NUP188: variants seen among roughly 807,000 people sequenced by gnomAD.
NUP188 encodes the protein nucleoporin 188, also known as nucleoporin NUP188.
A neutral mutation model predicts 223.0 loss-of-function variants in NUP188; 97 were observed. That is an observed-to-expected ratio of 0.43 (90% CI 0.37 to 0.51). The LOEUF (loss-of-function observed/expected upper bound fraction) is 0.51. Among genes scored for constraint, NUP188 ranks in the 20% least tolerant of loss-of-function variants. The pLI, the probability that NUP188 is intolerant of heterozygous loss-of-function variation, is 0.00. For missense variants in NUP188, 1,947 were observed against 2,175.6 expected (o/e 0.89, Z 2.09); for synonymous variants, 869 against 828.0 (o/e 1.05, Z -0.85).
intron 33 of NUP188, 99 bp from the exon 34 acceptor site, chr9:128,999,525 C>G: frequency 7.6e-7 from 1 of 1,311,744 alleles, no homozygotes; most frequent in Non-Finnish European, 1.1e-6. Context: ...CTCCTAGCGC[C>G]CTAGTACATC....
intron 25 of NUP188, among the ~76,000 whole-genome samples, 181 bp downstream of exon 25, chr9:128,990,407 TAG>T (rs1360237211): frequency 6.6e-6 from 1 of 151,278 alleles, no homozygotes; most frequent in Non-Finnish European, 1.5e-5. Flanking sequence ...CTGGGCCACA[TAG>T]TGAGACCCCA....
chr9:128,967,856 G>A (rs1444611425), intron 8 of NUP188, among the ~76,000 whole-genome samples: 1 of 152,150 alleles, frequency 6.6e-6, no homozygotes, highest in East Asian at 1.9e-4. Context: ...AGCTACTTGG[G>A]TGGCTGAGGC....
intron 30 of NUP188, among the ~76,000 whole-genome samples, chr9:128,995,846 G>A (rs571151634): frequency 6.6e-6 from 1 of 152,354 alleles, no homozygotes; most frequent in South Asian, 2.1e-4. Flanking sequence ...TTCTCGTGCT[G>A]TGTACCTTGT....
At chr9:128,984,547 A>G (rs566039424) in intron 19 of NUP188, among the ~76,000 whole-genome samples, 12 of 152,278 alleles carry the variant, frequency 7.9e-5, no homozygotes, top group Admixed American at 2.0e-4. Context: ...TTAAGCCACA[A>G]TCACTCTGTA....
intron 38 of NUP188, 156 bp downstream of exon 38, chr9:129,003,610 T>G: frequency 1.1e-6 from 1 of 873,204 alleles, no homozygotes; most frequent in Non-Finnish European, 1.9e-6. Flanking sequence ...GTGCTTACTC[T>G]GGCTAAATGT....
chr9:128,958,063 T>G lies in NUP188; in HGVS notation c.372+9T>G, dbSNP rs755118235. On this transcript the variant is annotated intron_variant, in intron 6 of 43. Coordinates refer to ENST00000372577, the MANE Select transcript of NUP188 (RefSeq NM_015354.3). ...AGGCCTTAATCCTGAAGGTCAGTAG[T>G]AGTCACCATTTCTATTCTTTGATGT... 1 of 1,606,614 alleles carries G rather than the reference T, an allele frequency of 6.2e-7. No homozygotes were observed. The highest frequency in any genetic ancestry group is 1.1e-5 in the South Asian group (1 of 90,624).
intron 13 of NUP188, among the ~76,000 whole-genome samples, chr9:128,979,696 G>A (rs537781610): frequency 3.2e-4 from 48 of 152,060 alleles, no homozygotes; most frequent in African/African-American, 1.1e-3. Context: ...GCAATGGCGC[G>A]ATCTCGGCTC....
chr9:128,967,226 T>C (rs1001887172), intron 8 of NUP188, among the ~76,000 whole-genome samples: 7 of 152,134 alleles, frequency 4.6e-5, no homozygotes, highest in African/African-American at 1.7e-4. Flanking sequence ...CCCAGACTAG[T>C]CTTGAACTCC....
At chr9:128,956,910 C>T (rs745690912) in intron 4 of NUP188, 42 bp from the exon 5 acceptor site, 10 of 1,377,220 alleles carry the variant, frequency 7.3e-6, no homozygotes, top group South Asian at 1.2e-5. Flanking sequence ...ATCCTGTGTG[C>T]GATTTCTGAG....
chr9:128,950,317 G>C (rs1388663687), intron 2 of NUP188, among the ~76,000 whole-genome samples: 2 of 151,968 alleles, frequency 1.3e-5, no homozygotes, highest in Admixed American at 6.6e-5. Flanking sequence ...TGTCTCCTGG[G>C]TTCAAGTGAT....
At chr9:128,971,309 T>G (rs1466640967) in intron 11 of NUP188, among the ~76,000 whole-genome samples, 1 of 152,238 alleles carries the variant, frequency 6.6e-6, no homozygotes, top group East Asian at 1.9e-4. Flanking sequence ...CCATATTGAC[T>G]GGAGAAGTCA....
chr9:128,987,604 G>A lies in NUP188; in HGVS notation c.2280G>A (p.Leu760=), dbSNP rs771069625. ...TGTCTTCCAGTCATACTCCCAGCCT[G>A]CAGTTTCTCTGCATCTGCAGCCTGG... The part of the protein sequence containing the change: ...TDLHSSHTPS[L]QFLCICSLAY... The change falls in exon 23 of 44, where the codon CTG becomes CTA. Residue 760 remains leucine (L), a synonymous_variant. Coordinates refer to ENST00000372577, the MANE Select transcript of NUP188 (RefSeq NM_015354.3). 6.2e-7 allele frequency: 1 copy of A among 1,613,086 alleles called. No homozygotes were observed. Among genetic ancestry groups the A allele is most frequent in the East Asian group, 2.2e-5 (1 of 44,838 alleles).
At chr9:128,961,885 G>A (rs1347853711) in intron 8 of NUP188, among the ~76,000 whole-genome samples, 4 of 146,636 alleles carry the variant, frequency 2.7e-5, no homozygotes, top group East Asian at 4.2e-4. Flanking sequence ...CCTCCAAAGC[G>A]CTGGGATTAC....
chr9:128,969,784 G>C (rs528364753), intron 10 of NUP188, among the ~76,000 whole-genome samples: 1 of 152,160 alleles, frequency 6.6e-6, no homozygotes, highest in Admixed American at 6.5e-5. Context: ...CTCCCAAGTA[G>C]CTGGGATCAC....
At chr9:128,971,056 G>A (rs778295293) in intron 11 of NUP188, 98 bp downstream of exon 11, 5 of 912,716 alleles carry the variant, frequency 5.5e-6, no homozygotes, top group South Asian at 4.2e-5. Context: ...ATGGGATCAT[G>A]TTGTAACTAA....
intron 8 of NUP188, among the ~76,000 whole-genome samples, chr9:128,966,109 T>A (rs1842023490): frequency 6.7e-6 from 1 of 150,056 alleles, no homozygotes; most frequent in African/African-American, 2.5e-5. Context: ...TCTCTTTTTT[T>A]AAAATAGATT....
intron 2 of NUP188, among the ~76,000 whole-genome samples, chr9:128,952,316 T>C (rs1371581834): frequency 3.3e-5 from 5 of 151,788 alleles, no homozygotes; most frequent in Non-Finnish European, 1.5e-5. Context: ...GGAGAATTGC[T>C]TGAACCCAGG....
intron 11 of NUP188, among the ~76,000 whole-genome samples, chr9:128,972,217 G>C (rs1842114169): frequency 6.6e-6 from 1 of 152,190 alleles, no homozygotes; most frequent in African/African-American, 2.4e-5. Flanking sequence ...CCTTCAGTAA[G>C]TATAACTAAA....
chr9:128,998,132 T>C lies in NUP188; in HGVS notation c.3352-19T>C. 1 of 1,603,318 alleles carries C rather than the reference T, an allele frequency of 6.2e-7. No individual in the cohort carries two copies. Among genetic ancestry groups the C allele is most frequent in the Non-Finnish European group, 8.5e-7 (1 of 1,170,344 alleles). ...CTGGAAAATTTTCCCAGCTGAAACC[T>C]TTTTCTGTTCCTTTGCAGGCAGATA... is the stretch of plus-strand genomic sequence containing the variant. On this transcript the variant is annotated intron_variant, in intron 30 of 43. Transcript: ENST00000372577.
Sources: gnomAD v4.1 joint callset for allele counts (sites outside exome capture counted in the v4.1 genomes callset) on GRCh38, gnomAD v4.1.1 for gene constraint, MANE v1.5 for transcripts, NCBI Gene and HGNC (gene_info 2026-07-23, HGNC 2026-07-21) for gene names.